ATP5MC2: variants seen among roughly 807,000 people sequenced by gnomAD.
ATP5MC2 encodes the protein ATP synthase F(0) complex subunit C2, mitochondrial.
Under a neutral mutation model 13.5 loss-of-function variants are expected in ATP5MC2, and 11 were observed. The ratio of observed to expected loss-of-function variants is 0.81; its 90% CI spans 0.51 to 1.35. The LOEUF (loss-of-function observed/expected upper bound fraction) is 1.35. Among genes scored for constraint, ATP5MC2 ranks in the 40% most tolerant of loss-of-function variants. The pLI, the probability that ATP5MC2 is intolerant of heterozygous loss-of-function variation, is 0.00. For synonymous variants in ATP5MC2, 64 were observed against 69.7 expected, an observed-to-expected ratio of 0.92 and a Z score of 0.41; for missense variants, 132 against 175.0, an observed-to-expected ratio of 0.75 and a Z score of 1.39.
intron 4 of ATP5MC2, 70 bp from the exon 5 acceptor site, chr12:53,665,498 G>A: frequency 8.1e-7 from 1 of 1,231,226 alleles, no homozygotes. Context: ...ATCTAAGATG[G>A]GCTCAGGGAG....
At chr12:53,674,708 C>T (rs1156844489) in intron 1 of ATP5MC2, among the ~76,000 whole-genome samples, 1 of 152,164 alleles carries the variant, frequency 6.6e-6, no homozygotes, top group Non-Finnish European at 1.5e-5. Flanking sequence ...CCTTGGCCTC[C>T]CAGTGTTGGG....
intron 2 of ATP5MC2, 183 bp from the exon 3 acceptor site, chr12:53,670,131 C>T (rs566986912): frequency 6.8e-5 from 44 of 649,556 alleles, no homozygotes; most frequent in South Asian, 6.5e-4. Flanking sequence ...TAAAGAACCA[C>T]ACCATTTCTC....
upstream of ATP5MC2, chr12:53,677,482 G>T (rs1035175727): frequency 6.6e-6 from 1 of 152,234 alleles, no homozygotes; most frequent in Non-Finnish European, 1.5e-5. Context: ...CAGGCGGGCG[G>T]CAGAGGGATT....
chr12:53,669,719 G>T, intron 3 of ATP5MC2, 152 bp downstream of exon 3: 1 of 820,374 alleles, frequency 1.2e-6, no homozygotes. Context: ...TGTATTAAGT[G>T]TCCTCCATCT....
chr12:53,668,550 C>T (rs1188416085), intron 4 of ATP5MC2, among the ~76,000 whole-genome samples: 1 of 151,346 alleles, frequency 6.6e-6, no homozygotes, highest in Middle Eastern at 3.2e-3. Context: ...AGCGATTCAC[C>T]TGCCCTGGCC....
chr12:53,676,325 G>A (rs968668983), upstream of ATP5MC2: 83 of 1,392,014 alleles, frequency 6.0e-5, no homozygotes, highest in East Asian at 1.2e-4. Context: ...CCGTAACGTG[G>A]ACTGCGGTTT....
In ATP5MC2 at chr12:53,669,311, G is replaced by T. The variant is rs199978143; in HGVS notation, c.148C>A (p.Leu50Ile). The T allele has an allele frequency of 6.2e-7, 1 of 1,613,982 alleles. No homozygotes were observed. Among genetic ancestry groups the T allele is most frequent in the Admixed American group, 1.7e-5 (1 of 59,950 alleles). The change falls in exon 4 of 5, where the codon CTT (leucine) becomes ATT (isoleucine). Residue 50 changes from leucine (L) to isoleucine (I), a missense_variant. Leu to Ile is a conservative substitution (Grantham distance 5). Transcript: ENST00000394349. ...SLSSLAVSCP[L>I]TSLVSSRSFQ... ...CTGCGGCTAGAGACAAGTGAGGTAA[G>T]GGGACATGAGACTGCCAAGCTGCTG...
upstream of ATP5MC2, chr12:53,676,367 C>A (rs117062244): frequency 2.3e-6 from 2 of 887,028 alleles, no homozygotes; most frequent in Non-Finnish European, 3.3e-6. Flanking sequence ...CTCGGACTTG[C>A]GTCCCCTTTC....
At chr12:53,667,955 A>C (rs1944969680) in intron 4 of ATP5MC2, among the ~76,000 whole-genome samples, 1 of 33,626 alleles carries the variant, frequency 3.0e-5, no homozygotes, top group Non-Finnish European at 5.3e-5. Context: ...ACATACACAC[A>C]CATATATATA....
upstream of ATP5MC2, among the ~76,000 whole-genome samples, chr12:53,677,686 T>C (rs752981937): frequency 6.6e-6 from 1 of 152,008 alleles, no homozygotes; most frequent in Non-Finnish European, 1.5e-5. Flanking sequence ...AATCCCCAAA[T>C]CTCCAGTTTT....
At chr12:53,669,791 A>C (rs1394030612) in intron 3 of ATP5MC2, 80 bp downstream of exon 3, 59 of 1,458,424 alleles carry the variant, frequency 4.0e-5, no homozygotes, top group Non-Finnish European at 5.6e-5. Flanking sequence ...TGTCCTCAGC[A>C]TTCTACCTCC....
chr12:53,680,912 A>T (rs9737721), upstream of ATP5MC2, among the ~76,000 whole-genome samples: 88,143 of 151,518 alleles, frequency 0.58, 26,321 homozygotes, highest in East Asian at 0.94. Context: ...CGCCCTAATT[A>T]TTTTTGTGGG....
At chr12:53,666,506 G>A (rs1324773170) in intron 4 of ATP5MC2, among the ~76,000 whole-genome samples, 8 of 151,916 alleles carry the variant, frequency 5.3e-5, no homozygotes, top group Admixed American at 5.3e-4. Flanking sequence ...GAACCCGGGA[G>A]GCAGAGGATG....
upstream of ATP5MC2, among the ~76,000 whole-genome samples, chr12:53,677,723 A>T (rs1350795274): frequency 6.6e-6 from 1 of 152,228 alleles, no homozygotes; most frequent in Non-Finnish European, 1.5e-5. Flanking sequence ...CCGAGCGGGC[A>T]GGTACGTGGG....
chr12:53,677,840 C>T (rs1231547574), upstream of ATP5MC2, among the ~76,000 whole-genome samples: 2 of 152,204 alleles, frequency 1.3e-5, no homozygotes, highest in Non-Finnish European at 2.9e-5. Context: ...CTAGCAAAGA[C>T]ACAAGTTTAT....
At chr12:53,677,073 A>AC (rs1945295260), upstream of ATP5MC2, 1 of 152,086 alleles carries the variant, frequency 6.6e-6, no homozygotes, top group Non-Finnish European at 1.5e-5. Context: ...AGCTCACCAA[A>AC]CCCCATAAAA....
intron 1 of ATP5MC2, among the ~76,000 whole-genome samples, chr12:53,675,753 A>G (rs1255168130): frequency 6.6e-6 from 1 of 152,204 alleles, no homozygotes; most frequent in Non-Finnish European, 1.5e-5. Flanking sequence ...AGAGGGCGAG[A>G]AAAGAGTGTT....
At chr12:53,670,376 C>G (rs1226319390) in intron 2 of ATP5MC2, 2 of 339,190 alleles carry the variant, frequency 5.9e-6, no homozygotes, top group Non-Finnish European at 1.2e-5. Flanking sequence ...TGCTAACCTA[C>G]CAAACACCAT....
In ATP5MC2 at chr12:53,669,910, A is replaced by T; in HGVS notation, c.78T>A (p.Ser26=). ...TCTCCGGTCGTTTCAGCACCACTGC[A>T]GATAGCGGACGGCTCAGCAGCTGTG... ...STSQLLSRPL[S]AVVLKRPEIL... is the part of the protein sequence containing the mutation. Residue 26 remains serine (S), a synonymous_variant, in exon 3 of 5, where the codon TCT becomes TCA. Coordinates refer to ENST00000394349, the MANE Select transcript of ATP5MC2 (RefSeq NM_005176.7). 1 of 1,614,040 alleles carries T rather than the reference A, an allele frequency of 6.2e-7. No individual in the cohort carries two copies. The highest frequency in any genetic ancestry group is 1.6e-4 in the Middle Eastern group (1 of 6,062).
Sources: allele counts gnomAD v4.1 joint callset (sites outside exome capture counted in the v4.1 genomes callset), GRCh38; gene constraint gnomAD v4.1.1; transcripts MANE v1.5; gene names NCBI Gene and HGNC (gene_info 2026-07-23, HGNC 2026-07-21).